The following DDX55 variants were observed in gnomAD, a reference collection of about 807,000 sequenced individuals.
DDX55 encodes the protein DEAD-box helicase 55.
Under a neutral mutation model 69.2 loss-of-function variants are expected in DDX55, and 56 were observed. The ratio of observed to expected loss-of-function variants is 0.81; its 90% CI spans 0.65 to 1.01. The LOEUF (loss-of-function observed/expected upper bound fraction) is 1.01, where lower values mean the gene tolerates loss of function less well. Ranked by LOEUF, DDX55 falls within the 50% of genes least tolerant of loss-of-function variation. DDX55 has a pLI of 0.00. For missense variants in DDX55, 720 were observed against 745.1 expected (o/e 0.97, Z 0.39); for synonymous variants, 268 against 273.1 (o/e 0.98, Z 0.18).
At chr12:123,610,351 G>C (rs1350014143) in intron 7 of DDX55, among the ~76,000 whole-genome samples, 8 of 152,140 alleles carry the variant, frequency 5.3e-5, no homozygotes, top group Non-Finnish European at 8.8e-5. Flanking sequence ...CAGAGTCTCT[G>C]AACCTCCTAC....
At chr12:123,618,924 G>A (rs944835469) in intron 12 of DDX55, 87 bp downstream of exon 12, 8 of 1,544,630 alleles carry the variant, frequency 5.2e-6, no homozygotes, top group African/African-American at 1.4e-5. Context: ...CTCATAAAAG[G>A]AAGTGTTCCC....
chr12:123,619,526 C>T lies in DDX55; in HGVS notation c.1428C>T (p.Pro476=), dbSNP rs1338126926. The change falls in exon 13 of 14, where the codon CCC becomes CCT. Residue 476 remains proline (P), a synonymous_variant. Transcript: ENST00000238146. ...LRGKQFPDFV[P]VDVNTDTIPF... The stretch of plus-strand genomic sequence containing the variant: ...GAAAGCAGTTTCCAGATTTTGTGCC[C>T]GTGGACGTTAATACCGACACGATTC... 5.6e-6 allele frequency: 9 copies of T among 1,613,690 alleles called. No individual in the cohort carries two copies. Among genetic ancestry groups the T allele is most frequent in the African/African-American group, 4.0e-5 (3 of 74,798 alleles).
rs1035630449 is a variant in DDX55 at position 123,615,132 on chromosome 12, T to C, written c.825-53T>C. On this transcript the variant is annotated intron_variant, in intron 8 of 13. Coordinates refer to ENST00000238146, the MANE Select transcript of DDX55 (RefSeq NM_020936.3). Reference sequence around the variant, plus strand: ...ATTGCTCACTGTTCCCCTCTCCCGGTTGTAGAAGGACCAAAGTGGCCAATG... The same window carrying C: ...ATTGCTCACTGTTCCCCTCTCCCGGCTGTAGAAGGACCAAAGTGGCCAATG... The C allele has an allele frequency of 4.4e-6, 7 of 1,608,196 alleles. No individual in the cohort carries two copies. The African/African-American group carries it at 5.3e-5, about 12-fold the overall frequency.
chr12:123,618,110 G>A (rs1192958382), intron 11 of DDX55: 7 of 437,336 alleles, frequency 1.6e-5, no homozygotes, highest in Admixed American at 3.6e-5. Context: ...TCCACCTCCC[G>A]GGTTCAATGG....
At position 123,605,939 on chromosome 12, in the gene DDX55, C is replaced by T. The variant is rs765750955; in HGVS notation, c.117C>T (p.Thr39=). 10 of 1,614,060 alleles carry T rather than the reference C, an allele frequency of 6.2e-6. No individual in the cohort carries two copies. Residue 39 remains threonine, a synonymous_variant, in exon 2 of 14, where the codon ACC becomes ACT. Coordinates refer to ENST00000238146, the MANE Select transcript of DDX55 (RefSeq NM_020936.3). ...GCAATCTCTCTCTTTAGTCCGCAAC[C>T]ATCCCTCTGTTCATGCGAAACAAAG... ...FPYMTPVQSA[T]IPLFMRNKDV... is the part of the protein sequence containing the mutation.
At chr12:123,603,994 G>T (rs1178820245) in intron 1 of DDX55, among the ~76,000 whole-genome samples, 1 of 151,838 alleles carries the variant, frequency 6.6e-6, no homozygotes, top group African/African-American at 2.4e-5. Flanking sequence ...GTAGAGACGG[G>T]ATTTCGCCAT....
At chr12:123,610,212 A>C (rs1265219255) in intron 7 of DDX55, 84 bp downstream of exon 7, 10 of 1,474,576 alleles carry the variant, frequency 6.8e-6, no homozygotes, top group African/African-American at 2.8e-5. Flanking sequence ...TAAATATGTG[A>C]GACCCTGTAG....
chr12:123,619,373 C>A, intron 12 of DDX55, 59 bp from the exon 13 acceptor site: 1 of 1,543,320 alleles, frequency 6.5e-7, no homozygotes, highest in South Asian at 1.3e-5. Flanking sequence ...TATTGTAAGC[C>A]ATTACTGATT....
In DDX55 at chr12:123,610,058, CAG is replaced by C. The variant is rs757187806; in HGVS notation, c.672_673del (p.Val225GlufsTer28). 3 of 1,614,158 alleles carry C rather than the reference CAG, an allele frequency of 1.9e-6. No homozygotes were observed. The highest frequency in any genetic ancestry group is 2.5e-6 in the Non-Finnish European group (3 of 1,180,038). On this transcript the variant is annotated frameshift_variant, in exon 7 of 14. Transcript: ENST00000238146. LOFTEE classifies it high-confidence loss of function. The stretch of plus-strand genomic sequence containing the variant: ...GGCCTCCGGAACCCTGTCCGGGTCT[CAG>C]TGAAGGAGAAGGGCGTGGCAGCCAG...
intron 10 of DDX55, among the ~76,000 whole-genome samples, chr12:123,617,394 A>G (rs1453601493): frequency 1.3e-5 from 2 of 152,248 alleles, no homozygotes; most frequent in African/African-American, 4.8e-5. Context: ...GAAAATGCCT[A>G]TAAACCCCCA....
intron 5 of DDX55, 66 bp downstream of exon 5, chr12:123,607,728 TG>T: frequency 6.2e-7 from 1 of 1,610,286 alleles, no homozygotes; most frequent in Non-Finnish European, 8.5e-7. Flanking sequence ...AATCGATGTG[TG>T]ATCTCAGCCT....
At position 123,618,699 on chromosome 12, in the gene DDX55, AAC is replaced by A; in HGVS notation, c.1199_1200del (p.Thr400SerfsTer14). On this transcript the variant is annotated frameshift_variant, in exon 12 of 14. Transcript: ENST00000238146. LOFTEE classifies it high-confidence loss of function. ...CCTGCAGGAGATGAAGCCCCAGAGA[AAC>A]ACAGCGGACCTTCTGCCAAAACTCA... The part of the protein sequence containing the change: ...CPLQEMKPQR[N>X]TADLLPKLKS... The A allele has an allele frequency of 6.2e-7, 1 of 1,614,170 alleles. No individual in the cohort carries two copies. The highest frequency in any genetic ancestry group is 8.5e-7 in the Non-Finnish European group (1 of 1,180,018).
At chr12:123,606,198 CAG>C (rs1953881517) in intron 3 of DDX55, 39 bp downstream of exon 3, 1 of 1,606,358 alleles carries the variant, frequency 6.2e-7, no homozygotes, top group South Asian at 1.1e-5. Context: ...ACCTAGTCAT[CAG>C]AGAGTTCACA....
Position 123,620,146 on chromosome 12 carries a change from G to T in DDX55, c.*6G>T. 6.2e-7 allele frequency: 1 copy of T among 1,612,582 alleles called. No homozygotes were observed. Among genetic ancestry groups the T allele is most frequent in the Non-Finnish European group, 8.5e-7 (1 of 1,179,068 alleles). On this transcript the variant is annotated 3_prime_UTR_variant, in exon 14 of 14. Transcript: ENST00000238146. ...ATTTGGAAGATGACTGCTGATTCCAGTGCCACAGATGAACCCACAAGGACA... is the reference window on the plus strand; with the variant it reads ...ATTTGGAAGATGACTGCTGATTCCATTGCCACAGATGAACCCACAAGGACA...
Position 123,620,753 on chromosome 12 carries a change from G to T in DDX55, c.*613G>T, listed in dbSNP as rs1216523185. On this transcript the variant is annotated 3_prime_UTR_variant, in exon 14 of 14. Coordinates refer to ENST00000238146, the MANE Select transcript of DDX55 (RefSeq NM_020936.3). ...GGCATTTGACCTCCTGAATGTGCTT[G>T]GCCCTGGGCTTCAGTTATCCTTTGA... The T allele has an allele frequency of 2.0e-5, 3 of 151,328 alleles. No homozygotes were observed. Among genetic ancestry groups the T allele is most frequent in the African/African-American group, 7.3e-5 (3 of 41,164 alleles). The allele number at this position is 151,328 out of a possible 1,614,324, so 9.4% of individuals were successfully genotyped here.
At chr12:123,618,538 G>T in intron 11 of DDX55, 131 bp from the exon 12 acceptor site, 2 of 1,535,212 alleles carry the variant, frequency 1.3e-6, no homozygotes, top group South Asian at 2.5e-5. Flanking sequence ...TATTTGGGTT[G>T]GAGTTGGGCT....
intron 7 of DDX55, 81 bp downstream of exon 7, chr12:123,610,209 G>A: frequency 6.7e-7 from 1 of 1,482,976 alleles, no homozygotes; most frequent in Non-Finnish European, 9.0e-7. Context: ...GAATAAATAT[G>A]TGAGACCCTG....
intron 7 of DDX55, among the ~76,000 whole-genome samples, chr12:123,611,573 T>C (rs1954247819): frequency 6.6e-6 from 1 of 152,254 alleles, no homozygotes; most frequent in South Asian, 2.1e-4. Flanking sequence ...TGAAGGAGGC[T>C]GGTCTCGAAA....
At chr12:123,606,589 T>C (rs542239215) in intron 3 of DDX55, among the ~76,000 whole-genome samples, 24 of 150,838 alleles carry the variant, frequency 1.6e-4, no homozygotes, top group Admixed American at 1.5e-3. Flanking sequence ...TTACCTTTTT[T>C]TTTTTTTTCT....
Sources: allele counts gnomAD v4.1 joint callset (sites outside exome capture counted in the v4.1 genomes callset), GRCh38; gene constraint gnomAD v4.1.1; transcripts MANE v1.5; gene names NCBI Gene and HGNC (gene_info 2026-07-23, HGNC 2026-07-21).